FAT1: variants seen among roughly 807,000 people sequenced by gnomAD.
The protein encoded by FAT1 is FAT atypical cadherin 1, also known as protocadherin Fat 1.
A neutral mutation model predicts 329.8 loss-of-function variants in FAT1; 171 were observed. That is an observed-to-expected ratio of 0.52 (90% confidence interval 0.46 to 0.59). The LOEUF (loss-of-function observed/expected upper bound fraction) is 0.59. Ranked by LOEUF, FAT1 falls within the 20% of genes least tolerant of loss-of-function variation. The probability of loss-of-function intolerance (pLI) is 0.00; values close to 1 mark genes in which losing one functional copy is unlikely to be tolerated. For synonymous variants in FAT1, 2,233 were observed against 2,228.6 expected, an observed-to-expected ratio of 1.00 and a Z score of -0.06; for missense variants, 5,672 against 5,774.4, an observed-to-expected ratio of 0.98 and a Z score of 0.57.
intron 1 of FAT1, among the ~76,000 whole-genome samples, chr4:186,715,126 C>T (rs1338704521): frequency 6.8e-6 from 1 of 147,568 alleles, no homozygotes; most frequent in Non-Finnish European, 1.5e-5. Context: ...GCTTCCCCCT[C>T]CATCCCCCCA....
At chr4:186,615,367 C>T (rs1441739174) in intron 11 of FAT1, among the ~76,000 whole-genome samples, 1 of 152,178 alleles carries the variant, frequency 6.6e-6, no homozygotes, top group African/African-American at 2.4e-5. Context: ...ACAGCCCTAT[C>T]ACTTTCCACA....
chr4:186,603,228 TCTGGCTGTG>T lies in FAT1; in HGVS notation c.11289_11297del (p.Ser3763_Ala3765del). The T allele has an allele frequency of 6.2e-7, 1 of 1,613,804 alleles. No homozygotes were observed. Among genetic ancestry groups the T allele is most frequent in the Non-Finnish European group, 8.5e-7 (1 of 1,179,816 alleles). ...GGTGGCGGGGAGTCACAAAACTCAG[TCTGGCTGTG>T]CTGTGTGTTGACATCACACTTTCAT... On this transcript the variant is annotated inframe_deletion, in exon 19 of 27. Transcript: ENST00000441802.
chr4:186,618,088 G>A lies in FAT1; in HGVS notation c.8498C>T (p.Ala2833Val), dbSNP rs749995439. 15 of 1,613,948 alleles carry A rather than the reference G, an allele frequency of 9.3e-6. 2 individuals carry two copies. In the South Asian group the frequency reaches 1.5e-4, roughly 17 times the overall value. ...GTTGGTTCCTGAGTCAGCATCAGAT[G>A]CCCTGATCTGAATTACTCTACTTCC... ...PGGSRVIQIRASDADSGTNGQ... is the reference protein window; with the variant it reads ...PGGSRVIQIRVSDADSGTNGQ... Residue 2833 changes from alanine (A) to valine (V), a missense_variant, in exon 10 of 27, where the codon GCA becomes GTA. By Grantham distance (64) the Ala-to-Val change is moderately conservative (BLOSUM62 0). Transcript: ENST00000441802.
chr4:186,701,662 C>T (rs1021829141), intron 2 of FAT1, among the ~76,000 whole-genome samples: 5 of 152,316 alleles, frequency 3.3e-5, no homozygotes, highest in Non-Finnish European at 5.9e-5. Flanking sequence ...AGTCAGGATC[C>T]GGGGCCCGTC....
intron 2 of FAT1, among the ~76,000 whole-genome samples, chr4:186,680,408 C>T (rs141067222): frequency 1.9e-4 from 29 of 152,338 alleles, no homozygotes; most frequent in African/African-American, 7.0e-4. Flanking sequence ...GGTGACACCA[C>T]TGTGAAAACA....
intron 11 of FAT1, among the ~76,000 whole-genome samples, chr4:186,615,057 C>T (rs1287134975): frequency 6.6e-6 from 1 of 151,916 alleles, no homozygotes; most frequent in Admixed American, 6.6e-5. Context: ...CAGTGAAGTA[C>T]TCACGGAAAA....
intron 3 of FAT1, among the ~76,000 whole-genome samples, chr4:186,645,061 C>T (rs900865856): frequency 2.6e-5 from 4 of 152,064 alleles, no homozygotes; most frequent in Non-Finnish European, 4.4e-5. Context: ...GAGGAAGGCT[C>T]TTGCCAGCAA....
At chr4:186,627,510 C>A (rs1740372416) in intron 9 of FAT1, among the ~76,000 whole-genome samples, 3 of 151,772 alleles carry the variant, frequency 2.0e-5, no homozygotes, top group African/African-American at 2.4e-5. Context: ...CCGTCCAGGA[C>A]CGCAGCTCCA....
intron 2 of FAT1, among the ~76,000 whole-genome samples, chr4:186,668,773 AC>A: frequency 6.6e-6 from 1 of 152,274 alleles, no homozygotes; most frequent in Non-Finnish European, 1.5e-5. Flanking sequence ...ATAGAGAGAA[AC>A]AAATTTTCAC....
rs749082399 is a variant in FAT1, at chr4:186,603,968, T to G, written c.10558A>C (p.Asn3520His). 91 of 1,608,382 alleles carry G rather than the reference T, an allele frequency of 5.7e-5. No homozygotes were observed. The highest frequency in any genetic ancestry group is 7.7e-5 in the Non-Finnish European group (90 of 1,175,296). The change falls in exon 19 of 27, where the codon AAT (asparagine) becomes CAT (histidine). Residue 3520 changes from asparagine (N) to histidine (H), a missense_variant. Physicochemically the swap from Asn to His is moderately conservative, Grantham distance 68. This residue lies in a region of FAT1 where 1,706 missense variants were observed against 1,859.1 expected (regional missense o/e 0.92). Transcript: ENST00000441802. ...AAAGATGACAACTGAGGCTTTCCAT[T>G]ATCTGCCACCTACAAGAAAAGAAAA... ...HYLLQVKVAD[N>H]GKPQLSSLTY...
In FAT1 at chr4:186,621,626, G is replaced by T; in HGVS notation, c.4960C>A (p.Arg1654Ser). 6.2e-7 allele frequency: 1 copy of T among 1,613,974 alleles called. No individual in the cohort carries two copies. Among genetic ancestry groups the T allele is most frequent in the Non-Finnish European group, 8.5e-7 (1 of 1,179,890 alleles). ...SPPMSEITSVRIFVTIADNAS... is the reference protein window; with the variant it reads ...SPPMSEITSVSIFVTIADNAS... ...TTGTCAGCAATTGTGACAAAGATAC[G>T]CACAGAAGTTATTTCACTCATTGGT... is the stretch of plus-strand genomic sequence containing the variant. The change falls in exon 10 of 27, where the codon CGT (arginine) becomes AGT (serine). Residue 1654 changes from arginine (R) to serine (S), a missense_variant. Physicochemically the swap from Arg to Ser is moderately radical, Grantham distance 110. This residue lies in a region of FAT1 where 3,966 missense variants were observed against 3,915.2 expected (regional missense o/e 1.01). Transcript: ENST00000441802.
At chr4:186,701,811 A>G (rs1424005022) in intron 2 of FAT1, among the ~76,000 whole-genome samples, 1 of 152,276 alleles carries the variant, frequency 6.6e-6, no homozygotes, top group African/African-American at 2.4e-5. Context: ...TGAAACATTC[A>G]GAGTTCTGCA....
chr4:186,638,108 C>CAA (rs34762108), intron 4 of FAT1, among the ~76,000 whole-genome samples: 96,723 of 151,902 alleles, frequency 0.64, 31,709 homozygotes, highest in African/African-American at 0.81. Flanking sequence ...GTAATGGAGA[C>CAA]ACTATCTTTA....
At chr4:186,669,124 C>G (rs532582757) in intron 2 of FAT1, among the ~76,000 whole-genome samples, 1 of 152,190 alleles carries the variant, frequency 6.6e-6, no homozygotes, top group African/African-American at 2.4e-5. Flanking sequence ...CTCCTGTCTT[C>G]GGCATCTCCT....
intron 2 of FAT1, among the ~76,000 whole-genome samples, chr4:186,668,593 A>T (rs1016018102): frequency 6.6e-6 from 1 of 152,170 alleles, no homozygotes; most frequent in African/African-American, 2.4e-5. Context: ...GCAGGGAGTG[A>T]CACACCAGCT....
chr4:186,666,628 T>C (rs1742449943), intron 2 of FAT1, among the ~76,000 whole-genome samples: 1 of 152,246 alleles, frequency 6.6e-6, no homozygotes, highest in Non-Finnish European at 1.5e-5. Context: ...CAACAATTCA[T>C]GCTTCCATCT....
chr4:186,635,651 G>A (rs1268315531), intron 6 of FAT1, among the ~76,000 whole-genome samples: 3 of 152,024 alleles, frequency 2.0e-5, no homozygotes, highest in African/African-American at 4.8e-5. Context: ...AAATAACAAT[G>A]TGCCATAGGT....
intron 2 of FAT1, among the ~76,000 whole-genome samples, chr4:186,692,239 T>C (rs945559918): frequency 6.6e-6 from 1 of 152,250 alleles, no homozygotes. Context: ...ATACGTCCCG[T>C]AACAAACAAC....
In FAT1 at chr4:186,602,704, C is replaced by T. The variant is rs116556555; in HGVS notation, c.11482+199G>A. ...ATCATTGAAGACACAGGAGGAGGGA[C>T]ACCAACTATGAACCAAGGGGTGTGC... On this transcript the variant is annotated intron_variant, in intron 20 of 26. Coordinates refer to ENST00000441802, the MANE Select transcript of FAT1 (RefSeq NM_005245.4). Among the ~76,000 whole-genome samples the T allele has an allele frequency of 8.1e-3, 1,235 of 152,224 alleles. 23 individuals are homozygous for T. Among genetic ancestry groups the T allele is most frequent in the African/African-American group, 0.028 (1,165 of 41,530 alleles).
Sources: gnomAD v4.1 joint callset for allele counts (sites outside exome capture counted in the v4.1 genomes callset) on GRCh38, gnomAD v4.1.1 for gene constraint, gnomAD v4.1.1 regional missense constraint, MANE v1.5 for transcripts, NCBI Gene and HGNC (gene_info 2026-07-23, HGNC 2026-07-21) for gene names.